Variants in DNAJC10 observed in about 807,000 individuals in gnomAD.
The protein encoded by DNAJC10 is endoplasmic reticulum disulfide reductase DNAJC10.
In DNAJC10, 101 loss-of-function variants were observed where a neutral mutation model predicts 115.0. The ratio of observed to expected loss-of-function variants is 0.88; its 90% CI spans 0.75 to 1.04. The LOEUF is 1.04. DNAJC10 is among the 50% of genes least tolerant of loss of function. DNAJC10 has a pLI of 0.00. For synonymous variants in DNAJC10, 307 were observed against 301.5 expected (o/e 1.02, Z -0.19); for missense variants, 981 against 928.8 (o/e 1.06, Z -0.73).
Position 182,740,322 on chromosome 2 carries a change from A to C in DNAJC10, c.1011A>C (p.Lys337Asn). 1.3e-6 allele frequency: 2 copies of C among 1,521,062 alleles called. No homozygotes were observed. Among genetic ancestry groups the C allele is most frequent in the Non-Finnish European group, 8.9e-7 (1 of 1,123,212 alleles). 94.2% of individuals were successfully genotyped at this position (1,521,062 alleles called of 1,614,324 possible). A position where few individuals can be genotyped will look rare whatever the true frequency, so the allele number is the denominator to read the frequency against. The change falls in exon 12 of 24, where the codon AAA becomes AAC. Residue 337 changes from lysine to asparagine, a missense_variant. Coordinates refer to ENST00000264065, the MANE Select transcript of DNAJC10 (RefSeq NM_018981.4). ...SILFLNSLDA[K>N]EIYLEVIHNL... is the part of the protein sequence containing the mutation. ...AGTTTCTCAACTCATTGGATGCTAA[A>C]GAAATATATTTGGAAGTAATACATA...
At position 182,789,750 on chromosome 2, in the gene DNAJC10, C is replaced by T. The variant is rs1574969564; in HGVS notation, c.*12618C>T. The T allele has an allele frequency of 6.6e-6, 1 of 152,104 alleles. No homozygotes were observed. The highest frequency in any genetic ancestry group is 1.5e-5 in the Non-Finnish European group (1 of 68,014). 9.4% of individuals were successfully genotyped at this position (152,104 alleles called of 1,614,324 possible). A position where few individuals can be genotyped will look rare whatever the true frequency, so the allele number is the denominator to read the frequency against. On this transcript the variant is annotated 3_prime_UTR_variant, in exon 24 of 24. Coordinates refer to ENST00000264065, the MANE Select transcript of DNAJC10 (RefSeq NM_018981.4). ...TTTTTAATATGGGGGGACCTCCATA[C>T]TGTTTTTCATAGCAGCTGCACCATT...
At chr2:182,754,926 A>C (rs945229129) in intron 16 of DNAJC10, 77 bp from the exon 17 acceptor site, 20 of 1,338,728 alleles carry the variant, frequency 1.5e-5, no homozygotes, top group Non-Finnish European at 1.9e-5. Flanking sequence ...TTGTTACTTA[A>C]AGGCAAACTT....
At chr2:182,719,007 CAA>C (rs1420317386) in intron 3 of DNAJC10, among the ~76,000 whole-genome samples, 1 of 151,932 alleles carries the variant, frequency 6.6e-6, no homozygotes, top group African/African-American at 2.4e-5. Context: ...GCAAGAGAAA[CAA>C]TATTTCTTTA....
In DNAJC10 at chr2:182,792,525, T is replaced by G. The variant is rs760764101; in HGVS notation, c.*15393T>G. The G allele has an allele frequency of 6.6e-6, 1 of 152,344 alleles. No homozygotes were observed. The highest frequency in any genetic ancestry group is 2.4e-5 in the African/African-American group (1 of 41,578). 9.4% of individuals were successfully genotyped at this position (152,344 alleles called of 1,614,324 possible). A position where few individuals can be genotyped will look rare whatever the true frequency, so the allele number is the denominator to read the frequency against. The stretch of plus-strand genomic sequence containing the variant: ...GATAAATGTATTGTTTAACCTCTCA[T>G]TGTTTGAAAGAACACCTCTTTGCTC... On this transcript the variant is annotated 3_prime_UTR_variant, in exon 24 of 24. Transcript: ENST00000264065.
intron 13 of DNAJC10, among the ~76,000 whole-genome samples, chr2:182,743,176 T>TA: frequency 6.6e-6 from 1 of 152,322 alleles, no homozygotes; most frequent in Non-Finnish European, 1.5e-5. Context: ...TCTTCTCTCT[T>TA]AAATGCCACA....
At chr2:182,764,397 G>A (rs913902712) in intron 22 of DNAJC10, among the ~76,000 whole-genome samples, 2 of 152,076 alleles carry the variant, frequency 1.3e-5, no homozygotes, top group Non-Finnish European at 2.9e-5. Flanking sequence ...AGAGTAAAAA[G>A]GCAACTGAAG....
chr2:182,755,642 T>G (rs901284654), intron 17 of DNAJC10, among the ~76,000 whole-genome samples: 1 of 152,230 alleles, frequency 6.6e-6, no homozygotes, highest in Non-Finnish European at 1.5e-5. Context: ...ACCTGACTGT[T>G]GTAGGCTGAA....
rs966740120 is a variant in DNAJC10 at position 182,783,174 on chromosome 2, A to G, written c.*6042A>G. 1 of 152,122 alleles carries G rather than the reference A, an allele frequency of 6.6e-6. No individual in the cohort carries two copies. Among genetic ancestry groups the G allele is most frequent in the African/African-American group, 2.4e-5 (1 of 41,448 alleles). The allele number at this position is 152,122 out of a possible 1,614,324, so 9.4% of individuals were successfully genotyped here. ...CTATTGAGATAATCATGTTTTTGTC[A>G]TAACTGCTATTTCAAATGTTTGGAG... On this transcript the variant is annotated 3_prime_UTR_variant, in exon 24 of 24. Coordinates refer to ENST00000264065, the MANE Select transcript of DNAJC10 (RefSeq NM_018981.4).
At chr2:182,746,565 A>G (rs1220345728) in intron 14 of DNAJC10, among the ~76,000 whole-genome samples, 4 of 151,896 alleles carry the variant, frequency 2.6e-5, no homozygotes, top group Admixed American at 6.6e-5. Flanking sequence ...TCCTTCGCCC[A>G]CTTTTTGATG....
chr2:182,740,842 C>G (rs1693715539), intron 12 of DNAJC10, among the ~76,000 whole-genome samples: 1 of 151,934 alleles, frequency 6.6e-6, no homozygotes, highest in Non-Finnish European at 1.5e-5. Context: ...AAAGTAGTGG[C>G]AAAAACCACA....
chr2:182,753,833 C>T (rs1030132223), intron 16 of DNAJC10, among the ~76,000 whole-genome samples: 1 of 152,032 alleles, frequency 6.6e-6, no homozygotes, highest in Admixed American at 6.6e-5. Context: ...CCTCCCACCT[C>T]GGCCTCCCAA....
rs762980478 is a variant in DNAJC10, at chr2:182,718,300, C to G, written c.204+10C>G. On this transcript the variant is annotated intron_variant, in intron 3 of 23. Transcript: ENST00000264065. ...TCCTGATAAAAACCCGGTAGGTAAA[C>G]GTTTGTTTTTAAAAATATTTGATTA... is the stretch of plus-strand genomic sequence containing the variant. The G allele has an allele frequency of 5.8e-6, 9 of 1,562,394 alleles. No individual in the cohort carries two copies. The highest frequency in any genetic ancestry group is 2.4e-5 in the South Asian group (2 of 81,736).
At chr2:182,762,137 G>C (rs1313412609) in intron 21 of DNAJC10, among the ~76,000 whole-genome samples, 3 of 137,984 alleles carry the variant, frequency 2.2e-5, no homozygotes, top group Non-Finnish European at 4.6e-5. Context: ...GGGAAGCAGT[G>C]AAACAGTAGA....
intron 4 of DNAJC10, among the ~76,000 whole-genome samples, chr2:182,721,634 T>C (rs1693152049): frequency 6.6e-6 from 1 of 152,146 alleles, no homozygotes; most frequent in South Asian, 2.1e-4. Flanking sequence ...GTTTTCGATA[T>C]TGTGCTATAT....
chr2:182,758,984 T>G, intron 20 of DNAJC10, 94 bp downstream of exon 20: 2 of 1,147,182 alleles, frequency 1.7e-6, no homozygotes, highest in Non-Finnish European at 2.6e-6. Context: ...TGGGTTAAGG[T>G]TCTAGCATTT....
Position 182,740,323 on chromosome 2 carries a change from G to C in DNAJC10, c.1012G>C (p.Glu338Gln). Reference protein sequence around the residue: ...ILFLNSLDAKEIYLEVIHNLP... With the variant: ...ILFLNSLDAKQIYLEVIHNLP... ...GTTTCTCAACTCATTGGATGCTAAA[G>C]AAATATATTTGGAAGTAATACATAA... Residue 338 changes from glutamate to glutamine, a missense_variant, in exon 12 of 24, where the codon GAA (glutamate) becomes CAA (glutamine). Coordinates refer to ENST00000264065, the MANE Select transcript of DNAJC10 (RefSeq NM_018981.4). 1 of 1,522,810 alleles carries C rather than the reference G, an allele frequency of 6.6e-7. No individual in the cohort carries two copies. Among genetic ancestry groups the C allele is most frequent in the Non-Finnish European group, 8.9e-7 (1 of 1,125,046 alleles). The allele number at this position is 1,522,810 out of a possible 1,614,324, so 94.3% of individuals were successfully genotyped here. A position where few individuals can be genotyped will look rare whatever the true frequency, so the allele number is the denominator to read the frequency against.
chr2:182,723,283 C>T (rs796293825), intron 5 of DNAJC10, among the ~76,000 whole-genome samples: 2 of 152,104 alleles, frequency 1.3e-5, no homozygotes, highest in African/African-American at 2.4e-5. Flanking sequence ...TGACCTCAGG[C>T]GATCCACCCA....
intron 14 of DNAJC10, among the ~76,000 whole-genome samples, chr2:182,744,226 T>A (rs1362644124): frequency 6.6e-6 from 1 of 152,196 alleles, no homozygotes; most frequent in Non-Finnish European, 1.5e-5. Flanking sequence ...AGAGTCCTTG[T>A]CCTGAAAGAG....
chr2:182,741,628 AT>A (rs1465082511), intron 13 of DNAJC10, among the ~76,000 whole-genome samples: 1 of 152,076 alleles, frequency 6.6e-6, no homozygotes, highest in African/African-American at 2.4e-5. Flanking sequence ...TTATCTTTCC[AT>A]TTTTTAAATT....
Sources: allele counts gnomAD v4.1 joint callset (sites outside exome capture counted in the v4.1 genomes callset), GRCh38; gene constraint gnomAD v4.1.1; transcripts MANE v1.5; gene names NCBI Gene and HGNC (gene_info 2026-07-23, HGNC 2026-07-21).